RSPO2: variants seen among roughly 807,000 people sequenced by gnomAD.
RSPO2 encodes the protein R-spondin-2.
In RSPO2, 14 loss-of-function variants were observed where a neutral mutation model predicts 30.9. The ratio of observed to expected loss-of-function variants is 0.45; its 90% CI spans 0.30 to 0.71. The LOEUF is 0.71. Among genes scored for constraint, RSPO2 ranks in the 30% least tolerant of loss-of-function variants. RSPO2 has a pLI of 0.08. For missense variants in RSPO2, 264 were observed against 301.9 expected, an observed-to-expected ratio of 0.87 and a Z score of 0.93; for synonymous variants, 107 against 96.4, an observed-to-expected ratio of 1.11 and a Z score of -0.64.
At chr8:107,934,830 G>A (rs1404723851) in intron 5 of RSPO2, among the ~76,000 whole-genome samples, 1 of 152,120 alleles carries the variant, frequency 6.6e-6, no homozygotes, top group Non-Finnish European at 1.5e-5. Context: ...AACATAAATT[G>A]TGAAGATTTC....
chr8:107,972,721 A>G (rs1327837201), intron 3 of RSPO2, among the ~76,000 whole-genome samples: 1 of 152,112 alleles, frequency 6.6e-6, no homozygotes, highest in Admixed American at 6.6e-5. Context: ...GAAACTGCCA[A>G]CATCAGATAT....
intron 2 of RSPO2, among the ~76,000 whole-genome samples, chr8:108,011,463 A>G (rs6999357): frequency 0.061 from 9,246 of 152,292 alleles, 414 homozygotes; most frequent in South Asian, 0.14. Flanking sequence ...ATGAACTCAT[A>G]TTGCTTTAAT....
rs572208628 is a variant in RSPO2, at chr8:108,083,113, A to G, written c.-170+84T>C. On this transcript the variant is annotated intron_variant, in intron 1 of 5. Coordinates refer to ENST00000276659, the MANE Select transcript of RSPO2 (RefSeq NM_178565.5). Reference sequence around the variant, plus strand: ...CTAAAGGCACTGAGAGCGCAGGGCTAAAAGAACGCTCTTAGGCCATTTGGA... The same window carrying G: ...CTAAAGGCACTGAGAGCGCAGGGCTGAAAGAACGCTCTTAGGCCATTTGGA... 7.0e-4 allele frequency: 110 copies of G among 156,598 alleles called. 3 individuals carry two copies. The South Asian group carries it at 0.022, about 31-fold the overall frequency. The allele number at this position is 156,598 out of a possible 1,614,324, so 9.7% of individuals were successfully genotyped here. A position where few individuals can be genotyped will look rare whatever the true frequency, so the allele number is the denominator to read the frequency against.
intron 5 of RSPO2, among the ~76,000 whole-genome samples, chr8:107,937,533 G>C (rs1812758063): frequency 6.6e-6 from 1 of 151,368 alleles, no homozygotes; most frequent in Non-Finnish European, 1.5e-5. Flanking sequence ...AAATCTGAAG[G>C]CATTTTTTTT....
At chr8:108,038,851 A>C (rs989402225) in intron 2 of RSPO2, among the ~76,000 whole-genome samples, 4 of 152,200 alleles carry the variant, frequency 2.6e-5, no homozygotes, top group Non-Finnish European at 5.9e-5. Context: ...ACTACAGCAC[A>C]GTGTAAACAT....
At chr8:108,033,635 A>G (rs1811500234) in intron 2 of RSPO2, among the ~76,000 whole-genome samples, 1 of 152,220 alleles carries the variant, frequency 6.6e-6, no homozygotes, top group African/African-American at 2.4e-5. Flanking sequence ...TATATTTTTT[A>G]AGTATAGCCT....
chr8:108,021,540 A>C (rs1392702190), intron 2 of RSPO2, among the ~76,000 whole-genome samples: 1 of 152,144 alleles, frequency 6.6e-6, no homozygotes, highest in East Asian at 1.9e-4. Flanking sequence ...AATTCCAAAC[A>C]GCTTGGGGAA....
intron 2 of RSPO2, among the ~76,000 whole-genome samples, chr8:108,069,466 C>A (rs1483560528): frequency 1.3e-5 from 2 of 152,190 alleles, no homozygotes; most frequent in Non-Finnish European, 2.9e-5. Context: ...CCCGCCTCGG[C>A]CTCCCACAGT....
chr8:107,976,886 C>T (rs1814234062), intron 3 of RSPO2, among the ~76,000 whole-genome samples: 1 of 152,038 alleles, frequency 6.6e-6, no homozygotes, highest in East Asian at 1.9e-4. Context: ...ACTTTATCAA[C>T]AAAAATCAAT....
intron 2 of RSPO2, among the ~76,000 whole-genome samples, chr8:108,069,394 A>G (rs1812773750): frequency 6.6e-6 from 1 of 152,174 alleles, no homozygotes; most frequent in African/African-American, 2.4e-5. Flanking sequence ...TTGTATTTTT[A>G]GCAGAGACAG....
At chr8:108,037,810 C>A (rs893581381) in intron 2 of RSPO2, among the ~76,000 whole-genome samples, 14 of 152,146 alleles carry the variant, frequency 9.2e-5, no homozygotes, top group African/African-American at 3.4e-4. Context: ...AACAAAACCT[C>A]CATGACAGCA....
At position 107,958,254 on chromosome 8, in the gene RSPO2, C is replaced by A; in HGVS notation, c.442G>T (p.Gly148Cys). ...CAAGTTCCCCATTCGCTCCAATGAC[C>A]AACTTCACATCCTTCTAGTAAAGAT... ...TMECVEGCEV[G>C]HWSEWGTCSR... The change falls in exon 5 of 6, where the codon GGT (glycine) becomes TGT (cysteine). Residue 148 changes from glycine (G) to cysteine (C), a missense_variant. Physicochemically the swap from Gly to Cys is radical, Grantham distance 159. Transcript: ENST00000276659. The A allele has an allele frequency of 1.2e-6, 2 of 1,612,258 alleles. No homozygotes were observed. Among genetic ancestry groups the A allele is most frequent in the South Asian group, 1.1e-5 (1 of 90,910 alleles).
At chr8:107,994,668 A>T (rs1560907) in intron 2 of RSPO2, among the ~76,000 whole-genome samples, 1,906 of 152,278 alleles carry the variant, frequency 0.013, 20 homozygotes, top group Middle Eastern at 0.027. Flanking sequence ...CAAGGTCATA[A>T]ATACAACAGA....
intron 2 of RSPO2, among the ~76,000 whole-genome samples, chr8:108,052,161 T>C (rs903694394): frequency 1.3e-5 from 2 of 152,352 alleles, no homozygotes; most frequent in African/African-American, 2.4e-5. Flanking sequence ...ATTAAATATA[T>C]GCAGACTTAG....
chr8:107,912,285 T>G (rs1264461834), intron 5 of RSPO2, among the ~76,000 whole-genome samples: 1 of 152,158 alleles, frequency 6.6e-6, no homozygotes, highest in Non-Finnish European at 1.5e-5. Flanking sequence ...TTTTGTAAGC[T>G]TCATAGATGA....
intron 2 of RSPO2, among the ~76,000 whole-genome samples, chr8:108,057,819 T>C (rs974405373): frequency 6.7e-6 from 1 of 148,880 alleles, no homozygotes; most frequent in Non-Finnish European, 1.5e-5. Context: ...GAGTACTACA[T>C]TGATTTTGTA....
intron 2 of RSPO2, among the ~76,000 whole-genome samples, chr8:107,994,709 C>T (rs996496854): frequency 3.9e-5 from 6 of 152,044 alleles, no homozygotes; most frequent in African/African-American, 1.2e-4. Flanking sequence ...TTCATTTTAT[C>T]GAGTTAACCC....
At chr8:107,992,757 T>G (rs1462436175) in intron 2 of RSPO2, among the ~76,000 whole-genome samples, 1 of 152,132 alleles carries the variant, frequency 6.6e-6, no homozygotes, top group Non-Finnish European at 1.5e-5. Flanking sequence ...AAACTTTGAC[T>G]GACAGCAGAC....
At chr8:108,018,359 A>T (rs564687331) in intron 2 of RSPO2, among the ~76,000 whole-genome samples, 14 of 152,278 alleles carry the variant, frequency 9.2e-5, no homozygotes, top group Non-Finnish European at 1.6e-4. Flanking sequence ...TCCTTCTCAC[A>T]CTGTAGTATA....
Sources: gnomAD v4.1 joint callset for allele counts (sites outside exome capture counted in the v4.1 genomes callset) on GRCh38, gnomAD v4.1.1 for gene constraint, MANE v1.5 for transcripts, NCBI Gene and HGNC (gene_info 2026-07-23, HGNC 2026-07-21) for gene names.